ZEB1: variants seen among roughly 807,000 people sequenced by gnomAD.
The protein encoded by ZEB1 is zinc finger E-box binding homeobox 1.
A neutral mutation model predicts 84.9 loss-of-function variants in ZEB1; 21 were observed. That is an observed-to-expected ratio of 0.25 (90% CI 0.18 to 0.36). The LOEUF (loss-of-function observed/expected upper bound fraction) is 0.36, where lower values mean the gene tolerates loss of function less well. Among genes scored for constraint, ZEB1 ranks in the 10% least tolerant of loss-of-function variants. The pLI, the probability that ZEB1 is intolerant of heterozygous loss-of-function variation, is 1.00. For synonymous variants in ZEB1, 420 were observed against 471.1 expected (o/e 0.89, Z 1.41); for missense variants, 1,104 against 1,330.2 (o/e 0.83, Z 2.65).
intron 2 of ZEB1, among the ~76,000 whole-genome samples, chr10:31,472,442 A>G (rs1212090082): frequency 6.6e-6 from 1 of 152,192 alleles, no homozygotes; most frequent in Non-Finnish European, 1.5e-5. Context: ...CTATGCAAAT[A>G]AAGTAGAAAA....
intron 1 of ZEB1, among the ~76,000 whole-genome samples, chr10:31,452,472 C>T (rs76012702): frequency 2.6e-5 from 4 of 152,044 alleles, no homozygotes. Flanking sequence ...TTTCTCTGAT[C>T]CTATGAATTA....
chr10:31,501,418 C>T (rs2068102826), intron 3 of ZEB1, among the ~76,000 whole-genome samples: 1 of 152,128 alleles, frequency 6.6e-6, no homozygotes, highest in South Asian at 2.1e-4. Context: ...TTTACTGAGG[C>T]AGAAATAGAG....
intron 1 of ZEB1, among the ~76,000 whole-genome samples, chr10:31,379,513 A>G (rs934079999): frequency 2.6e-5 from 4 of 151,884 alleles, no homozygotes; most frequent in Non-Finnish European, 5.9e-5. Flanking sequence ...CAGTATGTGC[A>G]AGTCAAATTT....
intron 1 of ZEB1, among the ~76,000 whole-genome samples, chr10:31,334,127 G>GA (rs1390233973): frequency 2.0e-5 from 3 of 151,836 alleles, no homozygotes; most frequent in Non-Finnish European, 4.4e-5. Context: ...AGAACAAGCA[G>GA]AAAAAAATTA....
chr10:31,424,298 TC>T (rs2136107064), intron 1 of ZEB1, among the ~76,000 whole-genome samples: 1 of 152,088 alleles, frequency 6.6e-6, no homozygotes, highest in South Asian at 2.1e-4. Context: ...TCCAGCTAGA[TC>T]AACAAATTGA....
chr10:31,414,221 C>T (rs1303738561), intron 1 of ZEB1, among the ~76,000 whole-genome samples: 1 of 152,168 alleles, frequency 6.6e-6, no homozygotes, highest in African/African-American at 2.4e-5. Flanking sequence ...GTGCATGGCA[C>T]ATAATAGTTG....
chr10:31,505,473 A>ATT (rs1460906920), intron 4 of ZEB1, among the ~76,000 whole-genome samples: 1 of 152,032 alleles, frequency 6.6e-6, no homozygotes, highest in African/African-American at 2.4e-5. Flanking sequence ...TGGTCTGTTC[A>ATT]GGTTTTCTAT....
chr10:31,431,822 C>T (rs1365773076), intron 1 of ZEB1, among the ~76,000 whole-genome samples: 2 of 152,104 alleles, frequency 1.3e-5, no homozygotes, highest in African/African-American at 2.4e-5. Context: ...GTAAGACCTA[C>T]GTAGTATAAC....
chr10:31,467,395 G>T (rs1313391312), intron 2 of ZEB1, among the ~76,000 whole-genome samples: 1 of 152,058 alleles, frequency 6.6e-6, no homozygotes, highest in Admixed American at 6.5e-5. Flanking sequence ...GGATAGAGTG[G>T]GGCCCATGCA....
At chr10:31,349,930 T>G (rs1319216287) in intron 1 of ZEB1, among the ~76,000 whole-genome samples, 1 of 152,168 alleles carries the variant, frequency 6.6e-6, no homozygotes, top group Non-Finnish European at 1.5e-5. Flanking sequence ...GATGTAATCC[T>G]ATTTGTCTAT....
intron 1 of ZEB1, chr10:31,361,307 C>T: frequency 7.9e-7 from 1 of 1,267,446 alleles, no homozygotes; most frequent in Non-Finnish European, 1.1e-6. Context: ...ATTCTCCTGC[C>T]TCAGCCTCCT....
At chr10:31,327,659 A>G (rs1164160115) in intron 1 of ZEB1, among the ~76,000 whole-genome samples, 1 of 152,186 alleles carries the variant, frequency 6.6e-6, no homozygotes, top group Non-Finnish European at 1.5e-5. Context: ...ATCTAGGGAC[A>G]TGGTATTGTC....
intron 3 of ZEB1, among the ~76,000 whole-genome samples, chr10:31,502,136 C>T (rs2068237348): frequency 6.6e-6 from 1 of 152,120 alleles, no homozygotes; most frequent in Admixed American, 6.6e-5. Context: ...GAGAATTTCA[C>T]ACATTCATAG....
At chr10:31,422,057 C>T (rs187795208) in intron 1 of ZEB1, among the ~76,000 whole-genome samples, 5 of 152,172 alleles carry the variant, frequency 3.3e-5, no homozygotes, top group Admixed American at 1.3e-4. Flanking sequence ...CCTTTCTGGA[C>T]GGGGTTTTGT....
At chr10:31,384,807 G>C (rs537959619) in intron 1 of ZEB1, among the ~76,000 whole-genome samples, 1 of 152,264 alleles carries the variant, frequency 6.6e-6, no homozygotes, top group South Asian at 2.1e-4. Flanking sequence ...TAGGGAGTTT[G>C]TTTTCCCTTT....
At chr10:31,466,002 A>C (rs974695070) in intron 2 of ZEB1, among the ~76,000 whole-genome samples, 2 of 152,234 alleles carry the variant, frequency 1.3e-5, no homozygotes, top group Non-Finnish European at 2.9e-5. Context: ...AGGCAAAATA[A>C]ATTTTAAGTA....
At chr10:31,328,534 C>CA (rs199675101) in intron 1 of ZEB1, among the ~76,000 whole-genome samples, 1,841 of 152,052 alleles carry the variant, frequency 0.012, 27 homozygotes, top group Non-Finnish European at 0.015. Flanking sequence ...ATGTAACTAC[C>CA]ATCTGAAAGG....
At chr10:31,454,455 A>G (rs1030106378) in intron 1 of ZEB1, among the ~76,000 whole-genome samples, 4 of 152,302 alleles carry the variant, frequency 2.6e-5, no homozygotes, top group African/African-American at 4.8e-5. Flanking sequence ...AGGGTATTCA[A>G]ATAGGAAGAG....
chr10:31,473,542 G>A (rs1277838970), intron 2 of ZEB1, among the ~76,000 whole-genome samples: 2 of 151,592 alleles, frequency 1.3e-5, no homozygotes, highest in South Asian at 4.2e-4. Flanking sequence ...ACAAACCACT[G>A]GTCAAGGAAA....
Sources: gnomAD v4.1 joint callset for allele counts (sites outside exome capture counted in the v4.1 genomes callset) on GRCh38, gnomAD v4.1.1 for gene constraint, MANE v1.5 for transcripts, NCBI Gene and HGNC (gene_info 2026-07-23, HGNC 2026-07-21) for gene names.